The following MYO7A variants were observed in gnomAD, a reference collection of about 807,000 sequenced individuals.
MYO7A encodes myosin VIIA, also known as unconventional myosin-VIIa.
MYO7A carries 210 observed loss-of-function variants against 263.8 expected under a neutral mutation model. The ratio of observed to expected loss-of-function variants is 0.80; its 90% CI spans 0.71 to 0.89. MYO7A has a LOEUF of 0.89. Ranked by LOEUF, MYO7A falls within the 40% of genes least tolerant of loss-of-function variation. The probability of loss-of-function intolerance (pLI) is 0.00; values close to 1 mark genes in which losing one functional copy is unlikely to be tolerated. For missense variants in MYO7A, 2,820 were observed against 2,968.3 expected (o/e 0.95, Z 1.16); for synonymous variants, 1,239 against 1,197.3 (o/e 1.03, Z -0.72).
intron 12 of MYO7A, among the ~76,000 whole-genome samples, chr11:77,161,401 A>T (rs2135293017): frequency 6.6e-6 from 1 of 152,302 alleles, no homozygotes; most frequent in South Asian, 2.1e-4. Flanking sequence ...CGATCTGCCC[A>T]GATCCATGCT....
chr11:77,137,620 G>A (rs1031010257), intron 2 of MYO7A, among the ~76,000 whole-genome samples: 5 of 152,176 alleles, frequency 3.3e-5, no homozygotes, highest in African/African-American at 1.2e-4. Flanking sequence ...GACGCCTGGT[G>A]TCCAGCCCTG....
At chr11:77,154,372 G>A (rs941375879) in intron 4 of MYO7A, among the ~76,000 whole-genome samples, 2 of 152,198 alleles carry the variant, frequency 1.3e-5, no homozygotes, top group Non-Finnish European at 2.9e-5. Flanking sequence ...TGAGAGCAGG[G>A]CCTGGTGGGC....
intron 3 of MYO7A, 54 bp downstream of exon 3, chr11:77,142,876 G>A (rs1951314002): frequency 7.1e-7 from 1 of 1,412,324 alleles, no homozygotes. Flanking sequence ...GACCTGGGCT[G>A]ACAGCTGCCT....
At chr11:77,202,849 G>A (rs745793483) in intron 37 of MYO7A, among the ~76,000 whole-genome samples, 27 of 152,094 alleles carry the variant, frequency 1.8e-4, no homozygotes, top group South Asian at 1.0e-3. Flanking sequence ...TGGTGTTCTC[G>A]CCGCTGGGGT....
intron 3 of MYO7A, among the ~76,000 whole-genome samples, chr11:77,144,445 C>T (rs1332378463): frequency 1.3e-5 from 2 of 152,202 alleles, no homozygotes; most frequent in African/African-American, 4.8e-5. Context: ...CAAAGGTCCC[C>T]TCCCGCTTCT....
intron 2 of MYO7A, among the ~76,000 whole-genome samples, chr11:77,140,358 A>C (rs1020510133): frequency 2.6e-5 from 4 of 152,204 alleles, no homozygotes; most frequent in Non-Finnish European, 4.4e-5. Context: ...GACTGGGCCC[A>C]GGGAATGTCA....
chr11:77,179,933 C>A lies in MYO7A; in HGVS notation c.2566C>A (p.His856Asn), dbSNP rs1555082978. 3 of 1,530,168 alleles carry A rather than the reference C, an allele frequency of 2.0e-6. No homozygotes were observed. Among genetic ancestry groups the A allele is most frequent in the East Asian group, 2.5e-5 (1 of 40,648 alleles). The allele number at this position is 1,530,168 out of a possible 1,614,324, so 94.8% of individuals were successfully genotyped here. The change falls in exon 21 of 49, where the codon CAC becomes AAC. Residue 856 changes from histidine (H) to asparagine (N), a missense_variant. Coordinates refer to ENST00000409709, the MANE Select transcript of MYO7A (RefSeq NM_000260.4). ...CCGGGGCATGATCGCCCGCAGGCTGCACCAACGCCTCAGGGCTGAGGTGAG... is the reference window on the plus strand; with the variant it reads ...CCGGGGCATGATCGCCCGCAGGCTGAACCAACGCCTCAGGGCTGAGGTGAG... ...YARGMIARRL[H>N]QRLRAEYLWR...
At chr11:77,178,570 T>C (rs1170600357) in intron 19 of MYO7A, among the ~76,000 whole-genome samples, 2 of 152,182 alleles carry the variant, frequency 1.3e-5, no homozygotes, top group East Asian at 3.9e-4. Flanking sequence ...CTGTGCATGG[T>C]CTCTGTCCTC....
At chr11:77,194,234 G>A in intron 31 of MYO7A, 120 bp from the exon 32 acceptor site, 2 of 1,203,416 alleles carry the variant, frequency 1.7e-6, no homozygotes, top group Non-Finnish European at 2.4e-6. Flanking sequence ...GGTCCCAAAG[G>A]CCAGGCTCTG....
intron 24 of MYO7A, 91 bp from the exon 25 acceptor site, chr11:77,182,333 G>A (rs1297814875): frequency 1.4e-6 from 2 of 1,461,264 alleles, no homozygotes; most frequent in African/African-American, 1.5e-5. Context: ...GGGAGGGGGT[G>A]TCTCCAGCCC....
In MYO7A at chr11:77,182,605, G is replaced by T. The variant is rs1485463821; in HGVS notation, c.3285+5G>T. 9.9e-6 allele frequency: 16 copies of T among 1,612,750 alleles called. No individual in the cohort carries two copies. Among genetic ancestry groups the T allele is most frequent in the Non-Finnish European group, 1.4e-5 (16 of 1,179,826 alleles). ...GCCCTGCAGGGCGAGGGCGAGGTGA[G>T]GCCAAGGTGCCCTCTGGATGATGTC... is the stretch of plus-strand genomic sequence containing the variant. On this transcript the variant is annotated splice_donor_5th_base_variant and intron_variant, in intron 25 of 48. Transcript: ENST00000409709.
At chr11:77,209,651 C>T (rs1366279269) in intron 44 of MYO7A, among the ~76,000 whole-genome samples, 2 of 152,154 alleles carry the variant, frequency 1.3e-5, no homozygotes, top group East Asian at 3.9e-4. Context: ...GATGACTGTA[C>T]CTCCTGGATA....
At chr11:77,179,655 G>A (rs1347669621) in intron 20 of MYO7A, 80 bp from the exon 21 acceptor site, 25 of 1,309,074 alleles carry the variant, frequency 1.9e-5, no homozygotes, top group Middle Eastern at 2.0e-4. Context: ...AGTGGAGGCC[G>A]GTGCCATGGA....
intron 3 of MYO7A, among the ~76,000 whole-genome samples, chr11:77,144,149 G>A (rs782270378): frequency 3.9e-5 from 6 of 152,218 alleles, no homozygotes; most frequent in South Asian, 2.1e-4. Flanking sequence ...TTATCTCAGC[G>A]GCGACTTTGG....
rs1206351532 is a variant in MYO7A, at chr11:77,181,606, A to T, written c.2904+17A>T. 1 of 1,610,280 alleles carries T rather than the reference A, an allele frequency of 6.2e-7. No homozygotes were observed. Among genetic ancestry groups the T allele is most frequent in the South Asian group, 1.1e-5 (1 of 90,850 alleles). On this transcript the variant is annotated intron_variant, in intron 23 of 48. Coordinates refer to ENST00000409709, the MANE Select transcript of MYO7A (RefSeq NM_000260.4). ...GGCTTTGAGGTACCAGGCTAGGGACAGGGGCTCCAGAGGCCCACACACACC... is the reference window on the plus strand; with the variant it reads ...GGCTTTGAGGTACCAGGCTAGGGACTGGGGCTCCAGAGGCCCACACACACC...
chr11:77,203,916 G>A (rs766472789), intron 38 of MYO7A, among the ~76,000 whole-genome samples, 160 bp from the exon 39 acceptor site: 6 of 152,172 alleles, frequency 3.9e-5, no homozygotes, highest in East Asian at 1.9e-4. Flanking sequence ...GTGAGGAGGC[G>A]GAGAGAGGGT....
At chr11:77,185,022 G>A (rs1955559521) in intron 27 of MYO7A, 1 of 538,170 alleles carries the variant, frequency 1.9e-6, no homozygotes, top group Non-Finnish European at 3.4e-6. Context: ...GCATATAAAA[G>A]TCATATTTAT....
chr11:77,171,969 G>A (rs1428356119), intron 15 of MYO7A, among the ~76,000 whole-genome samples: 3 of 152,234 alleles, frequency 2.0e-5, no homozygotes. Flanking sequence ...ACCCCTGGCT[G>A]CGTCGGAGCC....
In MYO7A at chr11:77,197,395, C is replaced by T. The variant is rs75905857; in HGVS notation, c.4324-86C>T. The stretch of plus-strand genomic sequence containing the variant: ...GGAGGTGCAGGAGCCCCAGGCTGCT[C>T]CTGGCTAGAAGGCAGCAGCAGCTGA... On this transcript the variant is annotated intron_variant, in intron 32 of 48. Coordinates refer to ENST00000409709, the MANE Select transcript of MYO7A (RefSeq NM_000260.4). 7.8e-4 allele frequency: 837 copies of T among 1,067,866 alleles called. 9 individuals are homozygous for T. The African/African-American group carries it at 0.012, about 15-fold the overall frequency. 66.1% of individuals were successfully genotyped at this position (1,067,866 alleles called of 1,614,324 possible). A position where few individuals can be genotyped will look rare whatever the true frequency, so the allele number is the denominator to read the frequency against.
Sources: gnomAD v4.1 joint callset for allele counts (sites outside exome capture counted in the v4.1 genomes callset) on GRCh38, gnomAD v4.1.1 for gene constraint, MANE v1.5 for transcripts, NCBI Gene and HGNC (gene_info 2026-07-23, HGNC 2026-07-21) for gene names.